Variants in FAT1 observed in about 807,000 individuals in gnomAD.
FAT1 encodes the protein protocadherin Fat 1.
In FAT1, 171 loss-of-function variants were observed where a neutral mutation model predicts 329.8. The observed-to-expected ratio is 0.52, with a 90% confidence interval of 0.46 to 0.59. The LOEUF is 0.59. Among genes scored for constraint, FAT1 ranks in the 20% least tolerant of loss-of-function variants. The probability of loss-of-function intolerance (pLI) is 0.00; values close to 1 mark genes in which losing one functional copy is unlikely to be tolerated. For synonymous variants in FAT1, 2,233 were observed against 2,228.6 expected (o/e 1.00, Z -0.06); for missense variants, 5,672 against 5,774.4 (o/e 0.98, Z 0.57).
intron 26 of FAT1, chr4:186,590,322 A>G: frequency 8.0e-7 from 1 of 1,245,634 alleles, no homozygotes; most frequent in African/African-American, 1.5e-5. Flanking sequence ...GGCTTGACCC[A>G]TTGTTTTTAG....
intron 2 of FAT1, among the ~76,000 whole-genome samples, chr4:186,702,143 TC>T (rs1332232103): frequency 3.9e-5 from 6 of 152,244 alleles, no homozygotes; most frequent in African/African-American, 1.4e-4. Flanking sequence ...GGGATGGTGC[TC>T]CAACACTCTC....
chr4:186,588,332 A>G lies in FAT1; in HGVS notation c.*260T>C, dbSNP rs1465209757. The G allele has an allele frequency of 1.3e-5, 6 of 457,500 alleles. No homozygotes were observed. Among genetic ancestry groups the G allele is most frequent in the Non-Finnish European group, 2.3e-5 (6 of 259,338 alleles). 28.3% of individuals were successfully genotyped at this position (457,500 alleles called of 1,614,324 possible). A position where few individuals can be genotyped will look rare whatever the true frequency, so the allele number is the denominator to read the frequency against. Reference sequence around the variant, plus strand: ...GAATCATGCTGACAACACAGGACTGATTTTTCGTTTGATTATTTTAACACA... The same window carrying G: ...GAATCATGCTGACAACACAGGACTGGTTTTTCGTTTGATTATTTTAACACA... On this transcript the variant is annotated 3_prime_UTR_variant, in exon 27 of 27. Transcript: ENST00000441802.
intron 7 of FAT1, among the ~76,000 whole-genome samples, chr4:186,631,710 C>A (rs1037572741): frequency 6.6e-6 from 1 of 151,698 alleles, no homozygotes; most frequent in Non-Finnish European, 1.5e-5. Flanking sequence ...CCCGCGGTAT[C>A]CTAGTGTCTC....
intron 9 of FAT1, among the ~76,000 whole-genome samples, chr4:186,624,091 C>G (rs1383297602): frequency 6.6e-6 from 1 of 151,282 alleles, no homozygotes; most frequent in East Asian, 1.9e-4. Flanking sequence ...CCTGGCCTAA[C>G]AACAGGTTCA....
chr4:186,658,076 C>T (rs1741989734), intron 3 of FAT1, among the ~76,000 whole-genome samples: 1 of 152,178 alleles, frequency 6.6e-6, no homozygotes, highest in African/African-American at 2.4e-5. Context: ...AAGTGCTCAA[C>T]TTAAGTTAAA....
rs2126697227 is a variant in FAT1 at position 186,708,534 on chromosome 4, C to A, written c.1294G>T (p.Ala432Ser). The change falls in exon 2 of 27, where the codon GCC becomes TCC. Residue 432 changes from alanine to serine, a missense_variant. Ala to Ser is a moderately conservative substitution (Grantham distance 99). Around this residue, in one of 2 missense-constraint regions of FAT1, gnomAD observed 3,966 missense variants for 3,915.2 expected, o/e 1.01. Coordinates refer to ENST00000441802, the MANE Select transcript of FAT1 (RefSeq NM_005245.4). ...GTTGTTACTTCAAGTTCAAAATGGG[C>A]TGCCTGCTGTCTTTTAACTGGTTCT... ...ILEPVKRQQAAHFELEVTTSD... is the reference protein window; with the variant it reads ...ILEPVKRQQASHFELEVTTSD... 6.2e-7 allele frequency: 1 copy of A among 1,613,970 alleles called. No homozygotes were observed. The highest frequency in any genetic ancestry group is 8.5e-7 in the Non-Finnish European group (1 of 1,179,888).
intron 2 of FAT1, among the ~76,000 whole-genome samples, chr4:186,695,788 C>CACACAT (rs1482200911): frequency 6.6e-6 from 1 of 151,636 alleles, no homozygotes; most frequent in Non-Finnish European, 1.5e-5. Context: ...CACACACACA[C>CACACAT]ACACACACAC....
chr4:186,621,135 G>T lies in FAT1; in HGVS notation c.5451C>A (p.His1817Gln), dbSNP rs766220044. 1.2e-6 allele frequency: 2 copies of T among 1,613,880 alleles called. No homozygotes were observed. The highest frequency in any genetic ancestry group is 3.3e-5 in the Admixed American group (2 of 60,032). ...TGCTAGAATCAATAGCAAAATATGT[G>T]TGTACAGATGGTTCAACAATGTGAT... ...LVYHIVEPSV[H>Q]TYFAIDSSTG... Residue 1817 changes from histidine to glutamine, a missense_variant, in exon 10 of 27, where the codon CAC becomes CAA. His to Gln is a conservative substitution (Grantham distance 24). Transcript: ENST00000441802.
chr4:186,685,183 G>C (rs1447257225), intron 2 of FAT1, among the ~76,000 whole-genome samples: 8 of 152,256 alleles, frequency 5.3e-5, no homozygotes, highest in African/African-American at 1.9e-4. Flanking sequence ...ATCAAACAAA[G>C]CATTCCAGAA....
At chr4:186,683,473 G>A in intron 2 of FAT1, among the ~76,000 whole-genome samples, 1 of 152,150 alleles carries the variant, frequency 6.6e-6, no homozygotes, top group South Asian at 2.1e-4. Context: ...TCAACTACCA[G>A]ATGAATGAAT....
Position 186,609,933 on chromosome 4 carries a change from C to T in FAT1, c.9936G>A (p.Thr3312=), listed in dbSNP as rs374271097. 89 of 1,612,680 alleles carry T rather than the reference C, an allele frequency of 5.5e-5. No individual in the cohort carries two copies. Among genetic ancestry groups the T allele is most frequent in the Non-Finnish European group, 7.0e-5 (83 of 1,178,818 alleles). Residue 3312 remains threonine (T), a synonymous_variant, in exon 15 of 27, where the codon ACG becomes ACA. Transcript: ENST00000441802. ...YLTVEATDGG[T]PSLSDVATVN... ...CAGTGGCAACGTCGCTCAGTGAAGG[C>T]GTGCCTCCATCAGTGGCCTCTACTG...
At chr4:186,711,709 G>C (rs962224954) in intron 1 of FAT1, among the ~76,000 whole-genome samples, 2 of 152,112 alleles carry the variant, frequency 1.3e-5, no homozygotes, top group African/African-American at 4.8e-5. Context: ...CTTGAGCTCA[G>C]GAGTTCGAGA....
Position 186,596,764 on chromosome 4 carries a change from C to A in FAT1, c.12776G>T (p.Ser4259Ile). 1 of 1,613,986 alleles carries A rather than the reference C, an allele frequency of 6.2e-7. No homozygotes were observed. Among genetic ancestry groups the A allele is most frequent in the Non-Finnish European group, 8.5e-7 (1 of 1,179,882 alleles). The part of the protein sequence containing the change: ...VPVRPISYTP[S>I]IPSDSRNNLD... ...ATTGTTTCTTGAGTCACTTGGAATACTCGGGGTGTAGGAAATAGGCCGGAC... is the reference window on the plus strand; with the variant it reads ...ATTGTTTCTTGAGTCACTTGGAATAATCGGGGTGTAGGAAATAGGCCGGAC... The change falls in exon 25 of 27, where the codon AGT becomes ATT. Residue 4259 changes from serine (S) to isoleucine (I), a missense_variant. Coordinates refer to ENST00000441802, the MANE Select transcript of FAT1 (RefSeq NM_005245.4). The surrounding 1 kb of genome is among the most constrained non-coding windows in gnomAD (Gnocchi z 4.7).
intron 4 of FAT1, 118 bp downstream of exon 4, chr4:186,639,604 T>C: frequency 1.5e-6 from 1 of 675,714 alleles, no homozygotes; most frequent in South Asian, 2.1e-5. Flanking sequence ...CAGTAAATAA[T>C]ATTAATACAA....
chr4:186,659,566 G>C (rs1182946107), intron 3 of FAT1, among the ~76,000 whole-genome samples: 1 of 152,084 alleles, frequency 6.6e-6, no homozygotes, highest in Admixed American at 6.5e-5. Flanking sequence ...TGTGGCACCT[G>C]TCCCCTGAAC....
intron 11 of FAT1, among the ~76,000 whole-genome samples, chr4:186,615,202 CA>C (rs1219275966): frequency 6.6e-5 from 10 of 151,960 alleles, no homozygotes; most frequent in African/African-American, 1.2e-4. Context: ...AAAAAACAAC[CA>C]AAGACAGTTG....
chr4:186,602,675 T>C (rs193034065), intron 20 of FAT1, among the ~76,000 whole-genome samples: 11 of 152,280 alleles, frequency 7.2e-5, no homozygotes, highest in Admixed American at 2.6e-4. Context: ...TGTATGTCTA[T>C]ATAATCATTG....
At position 186,631,126 on chromosome 4, in the gene FAT1, T is replaced by G. The variant is rs115342181; in HGVS notation, c.4324-2363A>C. ...TAAACCTTCTCAAATCGGCATCTGCTGCCCCTGACCTGGATACACAATGGC... is the reference window on the plus strand; with the variant it reads ...TAAACCTTCTCAAATCGGCATCTGCGGCCCCTGACCTGGATACACAATGGC... On this transcript the variant is annotated intron_variant, in intron 7 of 26. Coordinates refer to ENST00000441802, the MANE Select transcript of FAT1 (RefSeq NM_005245.4). 8.6e-3 allele frequency among the ~76,000 whole-genome samples: 1,304 copies of G among 152,270 alleles called. 21 individuals carry two copies. Among genetic ancestry groups the G allele is most frequent in the African/African-American group, 0.03 (1,263 of 41,556 alleles).
In FAT1 at chr4:186,596,537, T is replaced by C; in HGVS notation, c.13000+3A>G. 6.2e-7 allele frequency: 1 copy of C among 1,609,866 alleles called. No homozygotes were observed. The highest frequency in any genetic ancestry group is 8.5e-7 in the Non-Finnish European group (1 of 1,178,518). ...TTTAGTGAGATGAAAAAGTGGCTCT[T>C]ACTGTCATAGTCAAAGTCCCAGCTA... On this transcript the variant is annotated splice_donor_region_variant and intron_variant, in intron 25 of 26. Transcript: ENST00000441802. This position sits in a 1 kb window ranked among gnomAD's most constrained non-coding sequence, Gnocchi z 4.7.
Sources: gnomAD v4.1 joint callset for allele counts (sites outside exome capture counted in the v4.1 genomes callset) on GRCh38, gnomAD v4.1.1 for gene constraint, gnomAD v4.1.1 regional missense constraint, Gnocchi (gnomAD v3.1) non-coding constraint, MANE v1.5 for transcripts, NCBI Gene and HGNC (gene_info 2026-07-23, HGNC 2026-07-21) for gene names.